Variants in SLC35D4 observed in about 807,000 individuals in gnomAD.
The protein encoded by SLC35D4 is solute carrier family 35 member D4.
the SLC35D4 span, among the ~76,000 whole-genome samples, chr18:23,379,365 C>T: frequency 0.02 from 3,050 of 152,224 alleles, 95 homozygotes; most frequent in African/African-American, 0.069. Flanking sequence ...CTCAAGTGAT[C>T]TGCCTGCCTT....
At chr18:23,304,876 C>T in the SLC35D4 span, among the ~76,000 whole-genome samples, 1 of 152,222 alleles carries the variant, frequency 6.6e-6, no homozygotes. Flanking sequence ...TTCACACCAG[C>T]TCCAGGGGCA....
At chr18:23,387,104 G>T in the SLC35D4 span, among the ~76,000 whole-genome samples, 7 of 152,046 alleles carry the variant, frequency 4.6e-5, no homozygotes, top group Non-Finnish European at 8.8e-5. Context: ...TAGAATCGGG[G>T]TTTCACCATG....
At chr18:23,345,978 A>G in the SLC35D4 span, among the ~76,000 whole-genome samples, 1 of 152,090 alleles carries the variant, frequency 6.6e-6, no homozygotes, top group Non-Finnish European at 1.5e-5. Context: ...TTACTAATAT[A>G]TAAAACTTTG....
At chr18:23,316,764 G>C in the SLC35D4 span, among the ~76,000 whole-genome samples, 3 of 152,202 alleles carry the variant, frequency 2.0e-5, no homozygotes, top group African/African-American at 7.2e-5. Context: ...GCATCAACAA[G>C]AGAATTAAAC....
the SLC35D4 span, among the ~76,000 whole-genome samples, chr18:23,255,196 A>C: frequency 6.6e-6 from 1 of 152,138 alleles, no homozygotes; most frequent in Admixed American, 6.5e-5. Context: ...TTTGAAGAGC[A>C]AAAGGGGTCA....
At chr18:23,366,937 T>C in the SLC35D4 span, among the ~76,000 whole-genome samples, 24 of 152,338 alleles carry the variant, frequency 1.6e-4, no homozygotes, top group African/African-American at 5.5e-4. Context: ...TTCACAATGA[T>C]CAGCCCTTTG....
At chr18:23,413,350 A>C in the SLC35D4 span, among the ~76,000 whole-genome samples, 1 of 152,192 alleles carries the variant, frequency 6.6e-6, no homozygotes, top group Non-Finnish European at 1.5e-5. Flanking sequence ...GACAATCCCT[A>C]AAGCCCAATA....
At chr18:23,239,028 T>C in the SLC35D4 span, among the ~76,000 whole-genome samples, 11 of 152,380 alleles carry the variant, frequency 7.2e-5, no homozygotes, top group East Asian at 1.9e-3. Context: ...TGCCGACCTC[T>C]CCTTTTATAG....
the SLC35D4 span, chr18:23,368,795 T>C: frequency 1.6e-6 from 2 of 1,238,808 alleles, no homozygotes; most frequent in Non-Finnish European, 2.3e-6. Context: ...GTAGCAGAAC[T>C]ATTTTAAATA....
the SLC35D4 span, among the ~76,000 whole-genome samples, chr18:23,252,000 C>T: frequency 2.3e-4 from 35 of 151,394 alleles, no homozygotes; most frequent in African/African-American, 8.3e-4. Context: ...ACAGGAGAAT[C>T]GCTTGAACCC....
At chr18:23,400,253 A>T in the SLC35D4 span, among the ~76,000 whole-genome samples, 1 of 152,164 alleles carries the variant, frequency 6.6e-6, no homozygotes, top group Non-Finnish European at 1.5e-5. Context: ...TTCTCTTACA[A>T]TTTAGAATCA....
At chr18:23,315,797 A>T in the SLC35D4 span, among the ~76,000 whole-genome samples, 1 of 152,202 alleles carries the variant, frequency 6.6e-6, no homozygotes, top group African/African-American at 2.4e-5. Flanking sequence ...GACGATTCTA[A>T]TTGGCTCCTG....
chr18:23,406,340 G>A, the SLC35D4 span, among the ~76,000 whole-genome samples: 2 of 152,120 alleles, frequency 1.3e-5, no homozygotes, highest in Non-Finnish European at 2.9e-5. Flanking sequence ...TGGGCGGCAG[G>A]GGGTGGGAAG....
the SLC35D4 span, among the ~76,000 whole-genome samples, chr18:23,377,232 G>A: frequency 7.2e-5 from 11 of 152,218 alleles, no homozygotes; most frequent in African/African-American, 2.7e-4. Context: ...CCCTGCTATG[G>A]CCCAGGACTG....
At chr18:23,257,482 C>G in the SLC35D4 span, 8 of 1,209,764 alleles carry the variant, frequency 6.6e-6, no homozygotes, top group African/African-American at 1.2e-4. Context: ...TTCTTCCTCT[C>G]GACATAGTTT....
chr18:23,359,254 G>T, the SLC35D4 span, among the ~76,000 whole-genome samples: 1 of 151,912 alleles, frequency 6.6e-6, no homozygotes, highest in African/African-American at 2.4e-5. Flanking sequence ...GCGTGGTGGC[G>T]GGTGCCTGTA....
the SLC35D4 span, among the ~76,000 whole-genome samples, chr18:23,280,389 C>T: frequency 2.6e-5 from 4 of 152,234 alleles, no homozygotes; most frequent in African/African-American, 9.6e-5. Context: ...GGCCACTCTC[C>T]ACTCTGTCCC....
chr18:23,309,804 G>T, the SLC35D4 span: 1 of 1,525,424 alleles, frequency 6.6e-7, no homozygotes. Flanking sequence ...AACCTCCAAT[G>T]TCATTTTTTT....
the SLC35D4 span, among the ~76,000 whole-genome samples, chr18:23,304,217 C>T: frequency 1.2e-4 from 17 of 147,006 alleles, no homozygotes; most frequent in African/African-American, 4.0e-4. Context: ...GCGGAGCTTG[C>T]AGTGAGCCGA....
Sources: gnomAD v4.1 joint callset for allele counts (sites outside exome capture counted in the v4.1 genomes callset) on GRCh38, gnomAD v4.1.1 for gene constraint, MANE v1.5 for transcripts, NCBI Gene and HGNC (gene_info 2026-07-23, HGNC 2026-07-21) for gene names.